Variants in VPS33B observed in about 807,000 individuals in gnomAD.
VPS33B encodes vacuolar protein sorting-associated protein 33B.
A neutral mutation model predicts 95.3 loss-of-function variants in VPS33B; 80 were observed. The ratio of observed to expected loss-of-function variants is 0.84; its 90% CI spans 0.70 to 1.01. The LOEUF (loss-of-function observed/expected upper bound fraction) is 1.01, where lower values mean the gene tolerates loss of function less well. Among genes scored for constraint, VPS33B ranks in the 50% least tolerant of loss-of-function variants. The pLI is 0.00. For missense variants in VPS33B, 715 were observed against 773.4 expected, an observed-to-expected ratio of 0.92 and a Z score of 0.90; for synonymous variants, 280 against 280.4, an observed-to-expected ratio of 1.00 and a Z score of 0.01.
chr15:91,003,130 A>G lies in VPS33B; in HGVS notation c.1227T>C (p.Gly409=). The part of the protein sequence containing the change: ...LMCLLSITEN[G]LIPKDYRSLK... ...GAGATCGGTAATCCTTGGGGATCAA[A>G]CCTAAGAGTGAAGAAAATAAGACAG... is the stretch of plus-strand genomic sequence containing the variant. The change falls in exon 17 of 23, where the codon GGT becomes GGC. Residue 409 remains glycine, a splice_region_variant and synonymous_variant. Transcript: ENST00000333371. 1 of 1,614,170 alleles carries G rather than the reference A, an allele frequency of 6.2e-7. No homozygotes were observed.
At chr15:91,016,251 G>C (rs1231902392) in intron 3 of VPS33B, among the ~76,000 whole-genome samples, 1 of 152,178 alleles carries the variant, frequency 6.6e-6, no homozygotes, top group East Asian at 1.9e-4. Context: ...ACAGAGGCTT[G>C]AAGGGGACAC....
chr15:91,008,196 A>G (rs1178876335), intron 6 of VPS33B, among the ~76,000 whole-genome samples: 1 of 152,174 alleles, frequency 6.6e-6, no homozygotes, highest in Non-Finnish European at 1.5e-5. Flanking sequence ...CTGTAATACA[A>G]TGTGATAAGT....
intron 5 of VPS33B, among the ~76,000 whole-genome samples, chr15:91,012,579 TAGAA>T (rs1431737948): frequency 6.6e-6 from 1 of 152,216 alleles, no homozygotes; most frequent in East Asian, 1.9e-4. Flanking sequence ...AGAATTTTCT[TAGAA>T]AGATTGAAAA....
intron 3 of VPS33B, among the ~76,000 whole-genome samples, chr15:91,014,771 A>G (rs2151680629): frequency 6.6e-6 from 1 of 152,326 alleles, no homozygotes; most frequent in East Asian, 1.9e-4. Flanking sequence ...ACCCCATAAA[A>G]ATATACAATT....
Position 91,009,400 on chromosome 15 carries a change from G to A in VPS33B, c.403+401C>T, listed in dbSNP as rs2040714258. Among the ~76,000 whole-genome samples the A allele has an allele frequency of 6.6e-6, 1 of 151,554 alleles. No homozygotes were observed. Among genetic ancestry groups the A allele is most frequent in the African/African-American group, 2.4e-5 (1 of 41,188 alleles). ...CGGCTCACTGCAACCTCTGCCTCCC[G>A]GGTTCAAGCAATTCTTCTGCCTCAG... On this transcript the variant is annotated intron_variant, in intron 6 of 22. Coordinates refer to ENST00000333371, the MANE Select transcript of VPS33B (RefSeq NM_018668.5). The surrounding 1 kb of genome is among the most constrained non-coding windows in gnomAD (Gnocchi z 4.1).
chr15:91,017,365 T>TAAAAAAAAAAAAAAAA (rs1272281030), intron 2 of VPS33B, among the ~76,000 whole-genome samples: 6 of 16,994 alleles, frequency 3.5e-4, no homozygotes, highest in African/African-American at 1.3e-3. Context: ...TCTACAAAAT[T>TAAAAAAAAAAAAAAAA]AAATATATAT....
At position 91,000,658 on chromosome 15, in the gene VPS33B, T is replaced by TA. The variant is rs2040411824; in HGVS notation, c.1480-68dup. The TA allele has an allele frequency of 1.1e-5, 15 of 1,375,060 alleles. No homozygotes were observed. The highest frequency in any genetic ancestry group is 1.4e-5 in the Non-Finnish European group (14 of 976,446). 85.2% of individuals were successfully genotyped at this position (1,375,060 alleles called of 1,614,324 possible). The stretch of plus-strand genomic sequence containing the variant: ...CTCCCTAACCCTTTAAAGGGTCAGA[T>TA]AAAGTGGCATGGCCCAAGGAACAAT... On this transcript the variant is annotated intron_variant, in intron 19 of 22. Coordinates refer to ENST00000333371, the MANE Select transcript of VPS33B (RefSeq NM_018668.5). The surrounding 1 kb of genome is among the most constrained non-coding windows in gnomAD (Gnocchi z 4.9).
chr15:91,000,539 TA>T lies in VPS33B; in HGVS notation c.1531del (p.Tyr511ThrfsTer10). The T allele has an allele frequency of 1.9e-6, 3 of 1,613,570 alleles. No individual in the cohort carries two copies. Among genetic ancestry groups the T allele is most frequent in the Non-Finnish European group, 2.5e-6 (3 of 1,179,674 alleles). On this transcript the variant is annotated frameshift_variant, in exon 20 of 23. Transcript: ENST00000333371. LOFTEE classifies it high-confidence loss of function. The surrounding 1 kb of genome is among the most constrained non-coding windows in gnomAD (Gnocchi z 4.9). The stretch of plus-strand genomic sequence containing the variant: ...GGGCACATAAGCACCACCGAAGACG[TA>T]AGCCATGTCTCGGGGCACTTTCAGA... The part of the protein sequence containing the change: ...YDLKVPRDMA[Y>X]VFGGAYVPLS...
At position 91,011,710 on chromosome 15, in the gene VPS33B, A is replaced by T. The variant is rs1215153029; in HGVS notation, c.358-1864T>A. Among the ~76,000 whole-genome samples the T allele has an allele frequency of 6.6e-6, 1 of 152,188 alleles. No individual in the cohort carries two copies. Among genetic ancestry groups the T allele is most frequent in the Non-Finnish European group, 1.5e-5 (1 of 68,030 alleles). On this transcript the variant is annotated intron_variant, in intron 5 of 22. Transcript: ENST00000333371. This position sits in a 1 kb window ranked among gnomAD's most constrained non-coding sequence, Gnocchi z 5.5. ...TGTTAATACAAATCTGTCCTTGGCC[A>T]GGCGCAGTGGCTCATGCCTGTAATC...
chr15:91,006,855 G>T lies in VPS33B; in HGVS notation c.700+95C>A. On this transcript the variant is annotated intron_variant, in intron 9 of 22. Transcript: ENST00000333371. This position sits in a 1 kb window ranked among gnomAD's most constrained non-coding sequence, Gnocchi z 5.4. ...ACGCTCCTCAAAGCTGGGATTCACA[G>T]CCCTAACTTTAGGATTTTAACTTTG... 6.3e-7 allele frequency: 1 copy of T among 1,591,674 alleles called. No individual in the cohort carries two copies. Among genetic ancestry groups the T allele is most frequent in the Non-Finnish European group, 8.6e-7 (1 of 1,160,054 alleles).
At position 91,013,725 on chromosome 15, in the gene VPS33B, A is replaced by C; in HGVS notation, c.357+79T>G. ...AGAAAACGAACGGAGACAGGGAGGT[A>C]GTGCTGTTGGCCCCTTACCCCTGCC... On this transcript the variant is annotated intron_variant, in intron 5 of 22. Coordinates refer to ENST00000333371, the MANE Select transcript of VPS33B (RefSeq NM_018668.5). This position sits in a 1 kb window ranked among gnomAD's most constrained non-coding sequence, Gnocchi z 4.5. The C allele has an allele frequency of 7.1e-7, 1 of 1,409,364 alleles. No individual in the cohort carries two copies. Among genetic ancestry groups the C allele is most frequent in the Non-Finnish European group, 1.0e-6 (1 of 994,838 alleles). The allele number at this position is 1,409,364 out of a possible 1,614,324, so 87.3% of individuals were successfully genotyped here.
Position 91,000,070 on chromosome 15 carries a change from TTACTC to T in VPS33B, c.1582-100_1582-96del. ...GCCAGACTGTCACATTTCTTGCTCA[TTACTC>T]AAGTAGCAAAAAGTTGAGACAGGGC... On this transcript the variant is annotated intron_variant, in intron 20 of 22. Transcript: ENST00000333371. The surrounding 1 kb of genome is among the most constrained non-coding windows in gnomAD (Gnocchi z 4.9). The T allele has an allele frequency of 6.6e-7, 1 of 1,512,612 alleles. No individual in the cohort carries two copies. Among genetic ancestry groups the T allele is most frequent in the Non-Finnish European group, 9.1e-7 (1 of 1,097,568 alleles). The allele number at this position is 1,512,612 out of a possible 1,614,324, so 93.7% of individuals were successfully genotyped here.
At chr15:91,014,502 T>C in intron 3 of VPS33B, 69 bp from the exon 4 acceptor site, 1 of 1,549,738 alleles carries the variant, frequency 6.5e-7, no homozygotes, top group Non-Finnish European at 8.9e-7. Flanking sequence ...TAGAAGAAAC[T>C]GAAACAATAC....
rs11371850 is a variant in VPS33B, at chr15:91,002,857, T to TA, written c.1272+227dup. ...ACACTGGGGCCAGCACTGAAATGTT[T>TA]AATTCTCAGCACTGGCCATGCGCCG... On this transcript the variant is annotated intron_variant, in intron 17 of 22. Coordinates refer to ENST00000333371, the MANE Select transcript of VPS33B (RefSeq NM_018668.5). This position sits in a 1 kb window ranked among gnomAD's most constrained non-coding sequence, Gnocchi z 4.7. 1 allele frequency among the ~76,000 whole-genome samples: 152,122 copies of TA among 152,124 alleles called. 76,060 individuals carry two copies. Among genetic ancestry groups the TA allele is most frequent in the Non-Finnish European group, 1 (68,026 of 68,026 alleles).
At chr15:91,004,782 T>C (rs2040550658) in intron 16 of VPS33B, 95 bp downstream of exon 16, 3 of 1,399,260 alleles carry the variant, frequency 2.1e-6, no homozygotes, top group Middle Eastern at 3.6e-4. Flanking sequence ...TTCTGTTTGC[T>C]AAGACATTTG....
chr15:91,003,010 C>G, intron 17 of VPS33B, 75 bp downstream of exon 17: 1 of 1,523,894 alleles, frequency 6.6e-7, no homozygotes, highest in Non-Finnish European at 9.1e-7. Context: ...GGGGCCACTT[C>G]TCTTGCCTCT....
Position 90,999,145 on chromosome 15 carries a change from C to A in VPS33B, c.1775-91G>T. 1.7e-6 allele frequency: 2 copies of A among 1,185,130 alleles called. No individual in the cohort carries two copies. The highest frequency in any genetic ancestry group is 2.5e-6 in the Non-Finnish European group (2 of 805,236). 73.4% of individuals were successfully genotyped at this position (1,185,130 alleles called of 1,614,324 possible). A position where few individuals can be genotyped will look rare whatever the true frequency, so the allele number is the denominator to read the frequency against. On this transcript the variant is annotated intron_variant, in intron 22 of 22. Coordinates refer to ENST00000333371, the MANE Select transcript of VPS33B (RefSeq NM_018668.5). The surrounding 1 kb of genome is among the most constrained non-coding windows in gnomAD (Gnocchi z 5.1). ...AGCCTCTCCAGTTCCACAGTCCCCA[C>A]GGGATCACAGCACCAGTTTATAGAC...
intron 6 of VPS33B, 83 bp from the exon 7 acceptor site, chr15:91,008,047 G>C: frequency 3.9e-6 from 5 of 1,283,678 alleles, no homozygotes; most frequent in Non-Finnish European, 5.7e-6. Flanking sequence ...AAATATTTGA[G>C]TGCGTGCAAC....
Position 91,022,344 on chromosome 15 carries a change from G to C in VPS33B, c.-95C>G. On this transcript the variant is annotated 5_prime_UTR_variant, in exon 1 of 23. Transcript: ENST00000333371. The stretch of plus-strand genomic sequence containing the variant: ...GAAGCGCAAGGGGGGCTATCCTTCA[G>C]GCCTGGGCACCGACTTCCAGAGACC... The C allele has an allele frequency of 7.6e-7, 1 of 1,318,628 alleles. No homozygotes were observed. The highest frequency in any genetic ancestry group is 2.6e-5 in the East Asian group (1 of 39,138). The allele number at this position is 1,318,628 out of a possible 1,614,324, so 81.7% of individuals were successfully genotyped here. A position where few individuals can be genotyped will look rare whatever the true frequency, so the allele number is the denominator to read the frequency against.
Sources: allele counts gnomAD v4.1 joint callset (sites outside exome capture counted in the v4.1 genomes callset), GRCh38; gene constraint gnomAD v4.1.1; non-coding constraint Gnocchi (gnomAD v3.1); transcripts MANE v1.5; gene names NCBI Gene and HGNC (gene_info 2026-07-23, HGNC 2026-07-21).